HM13: variants seen among roughly 807,000 people sequenced by gnomAD.
HM13 encodes the protein signal peptide peptidase.
HM13 carries 18 observed loss-of-function variants against 50.0 expected under a neutral mutation model. The observed-to-expected ratio is 0.36, with a 90% CI of 0.25 to 0.53. HM13 has a LOEUF of 0.53. HM13 is among the 20% of genes least tolerant of loss of function. The probability of loss-of-function intolerance (pLI) is 0.90; values close to 1 mark genes in which losing one functional copy is unlikely to be tolerated. For synonymous variants in HM13, 197 were observed against 232.6 expected, an observed-to-expected ratio of 0.85 and a Z score of 1.39; for missense variants, 393 against 552.4, an observed-to-expected ratio of 0.71 and a Z score of 2.89.
intron 1 of HM13, among the ~76,000 whole-genome samples, chr20:31,522,007 G>A (rs1330157669): frequency 6.6e-6 from 1 of 151,706 alleles, no homozygotes; most frequent in Non-Finnish European, 1.5e-5. Flanking sequence ...TTGCAGCATG[G>A]GATATTTATA....
intron 3 of HM13, among the ~76,000 whole-genome samples, chr20:31,542,197 G>T (rs908438501): frequency 6.6e-6 from 1 of 152,238 alleles, no homozygotes; most frequent in African/African-American, 2.4e-5. Context: ...CAGCCTGGGG[G>T]ATTGGAGGAA....
rs1600601863 is a variant in HM13, at chr20:31,514,997, C to T, written c.183+263C>T. 6.6e-6 allele frequency among the ~76,000 whole-genome samples: 1 copy of T among 152,214 alleles called. No homozygotes were observed. Among genetic ancestry groups the T allele is most frequent in the African/African-American group, 2.4e-5 (1 of 41,456 alleles). ...CCGACCCGGACCCTGACACTTCCCT[C>T]CCTGTGCATCATGCCGCGGCTGGGA... is the stretch of plus-strand genomic sequence containing the variant. On this transcript the variant is annotated intron_variant, in intron 1 of 12. Coordinates refer to ENST00000398174, the MANE Select transcript of HM13 (RefSeq NM_178581.3). This position sits in a 1 kb window ranked among gnomAD's most constrained non-coding sequence, Gnocchi z 4.3.
intron 4 of HM13, chr20:31,548,142 C>T (rs756491008): frequency 6.0e-6 from 5 of 838,902 alleles, no homozygotes; most frequent in Admixed American, 3.9e-5. Flanking sequence ...GAATACAATG[C>T]CTCTGTGGTT....
intron 1 of HM13, among the ~76,000 whole-genome samples, chr20:31,524,863 G>A (rs1283002422): frequency 1.3e-5 from 2 of 151,582 alleles, no homozygotes; most frequent in Non-Finnish European, 2.9e-5. Context: ...ACAGGCGCCC[G>A]CCACCACATC....
chr20:31,560,719 TCA>T (rs747238812), intron 9 of HM13, among the ~76,000 whole-genome samples: 25 of 152,256 alleles, frequency 1.6e-4, no homozygotes, highest in Non-Finnish European at 3.2e-4. Flanking sequence ...TAGCCTGGGC[TCA>T]CAGCATAAGC....
rs1981680666 is a variant in HM13, at chr20:31,514,932, A to G, written c.183+198A>G. ...GGGATCTGGGCACCGACCCCCGACCAGGGTATGATACCTTCCCCAATAGGA... is the reference window on the plus strand; with the variant it reads ...GGGATCTGGGCACCGACCCCCGACCGGGGTATGATACCTTCCCCAATAGGA... On this transcript the variant is annotated intron_variant, in intron 1 of 12. Transcript: ENST00000398174. This position sits in a 1 kb window ranked among gnomAD's most constrained non-coding sequence, Gnocchi z 4.3. Among the ~76,000 whole-genome samples, 1 of 152,110 alleles carries G rather than the reference A, an allele frequency of 6.6e-6. No individual in the cohort carries two copies. The highest frequency in any genetic ancestry group is 2.1e-4 in the South Asian group (1 of 4,832).
intron 2 of HM13, chr20:31,535,475 ACCTGGTGCCCAAT>A (rs1298219684): frequency 5.3e-5 from 8 of 152,334 alleles, no homozygotes; most frequent in Non-Finnish European, 1.2e-4. Flanking sequence ...GGAAAGTGAG[ACCTGGTGCCCAAT>A]CCACATGGGT....
At chr20:31,548,411 G>A (rs984056713) in intron 4 of HM13, 15 of 189,030 alleles carry the variant, frequency 7.9e-5, no homozygotes, top group Admixed American at 3.8e-4. Context: ...CGGGGACTCC[G>A]GCCTTTCCTT....
intron 2 of HM13, among the ~76,000 whole-genome samples, chr20:31,530,332 A>T (rs1010423362): frequency 6.6e-6 from 1 of 151,848 alleles, no homozygotes; most frequent in Non-Finnish European, 1.5e-5. Context: ...AATTATATAT[A>T]TTTTTATATG....
intron 8 of HM13, 35 bp downstream of exon 8, chr20:31,554,864 G>T: frequency 6.6e-7 from 1 of 1,520,182 alleles, no homozygotes. Flanking sequence ...TGTGAAAGGG[G>T]TGGAGAGGGT....
intron 1 of HM13, among the ~76,000 whole-genome samples, chr20:31,516,651 G>C (rs1159101176): frequency 3.3e-5 from 5 of 152,136 alleles, no homozygotes; most frequent in Non-Finnish European, 5.9e-5. Flanking sequence ...GAGGCTACGA[G>C]GCAGTTCAGG....
intron 1 of HM13, among the ~76,000 whole-genome samples, chr20:31,525,395 A>G (rs558199783): frequency 6.6e-6 from 1 of 152,248 alleles, no homozygotes; most frequent in South Asian, 2.1e-4. Flanking sequence ...GGTTTTTGTC[A>G]GCCAAAATAT....
intron 10 of HM13, among the ~76,000 whole-genome samples, chr20:31,563,632 G>T (rs1250592041): frequency 6.6e-6 from 1 of 152,122 alleles, no homozygotes; most frequent in Non-Finnish European, 1.5e-5. Flanking sequence ...CCTACTTAGG[G>T]ATTGTTAGAT....
At chr20:31,557,373 A>T (rs1337779755) in intron 8 of HM13, among the ~76,000 whole-genome samples, 2 of 152,206 alleles carry the variant, frequency 1.3e-5, no homozygotes, top group Non-Finnish European at 2.9e-5. Flanking sequence ...ACATCTCGGC[A>T]TATCTGTCCT....
intron 1 of HM13, among the ~76,000 whole-genome samples, chr20:31,516,868 G>A (rs146341497): frequency 1.8e-3 from 280 of 152,332 alleles, no homozygotes; most frequent in Non-Finnish European, 3.3e-3. Flanking sequence ...GCCCTTTGAT[G>A]CTCACAGCAA....
At chr20:31,552,147 A>G (rs1012399320) in intron 7 of HM13, among the ~76,000 whole-genome samples, 3 of 152,108 alleles carry the variant, frequency 2.0e-5, no homozygotes, top group Non-Finnish European at 4.4e-5. Context: ...CAGTGCCTTG[A>G]TGGTTGAGCC....
intron 8 of HM13, 84 bp downstream of exon 8, chr20:31,554,913 C>G (rs1476597693): frequency 8.9e-7 from 1 of 1,126,466 alleles, no homozygotes; most frequent in African/African-American, 1.5e-5. Flanking sequence ...AACAGACAGG[C>G]TTACCAGCTG....
At chr20:31,534,547 G>T (rs1983003539) in intron 2 of HM13, among the ~76,000 whole-genome samples, 1 of 152,124 alleles carries the variant, frequency 6.6e-6, no homozygotes, top group Admixed American at 6.6e-5. Context: ...ACTTTGGGAG[G>T]CCAAGGCAGC....
intron 2 of HM13, among the ~76,000 whole-genome samples, chr20:31,530,876 T>C (rs1982775728): frequency 6.6e-6 from 1 of 152,168 alleles, no homozygotes; most frequent in African/African-American, 2.4e-5. Context: ...GTCTACCAGG[T>C]CAAATGCATC....
Sources: allele counts gnomAD v4.1 joint callset (sites outside exome capture counted in the v4.1 genomes callset), GRCh38; gene constraint gnomAD v4.1.1; non-coding constraint Gnocchi (gnomAD v3.1); transcripts MANE v1.5; gene names NCBI Gene and HGNC (gene_info 2026-07-23, HGNC 2026-07-21).